The following OSTC variants were observed in gnomAD, a reference collection of about 807,000 sequenced individuals.
OSTC encodes oligosaccharyltransferase complex non-catalytic subunit, also known as oligosaccharyltransferase complex subunit OSTC.
Under a neutral mutation model 16.4 loss-of-function variants are expected in OSTC, and 16 were observed. That is an observed-to-expected ratio of 0.98 (90% CI 0.66 to 1.49). The LOEUF is 1.49. OSTC is among the 40% of genes most tolerant of loss of function. OSTC has a pLI of 0.00. For missense variants in OSTC, 139 were observed against 186.3 expected, an observed-to-expected ratio of 0.75 and a Z score of 1.48; for synonymous variants, 67 against 68.5, an observed-to-expected ratio of 0.98 and a Z score of 0.11.
At chr4:108,657,330 A>G in intron 2 of OSTC, 120 bp from the exon 3 acceptor site, 1 of 812,296 alleles carries the variant, frequency 1.2e-6, no homozygotes, top group Non-Finnish European at 1.9e-6. Flanking sequence ...AATAGTTGTA[A>G]GGCTAAGAAT....
intron 1 of OSTC, among the ~76,000 whole-genome samples, chr4:108,654,361 A>G (rs1726640860): frequency 6.6e-6 from 1 of 152,214 alleles, no homozygotes; most frequent in South Asian, 2.1e-4. Context: ...GAGGATCTGA[A>G]GTCAAGGAGG....
chr4:108,652,912 G>A (rs757171074), intron 1 of OSTC, among the ~76,000 whole-genome samples: 10 of 152,130 alleles, frequency 6.6e-5, no homozygotes, highest in Non-Finnish European at 1.3e-4. Flanking sequence ...GGTGGTACAC[G>A]CCTGTAGTCC....
chr4:108,667,403 G>A lies in OSTC; in HGVS notation c.*138G>A, dbSNP rs1326036017. On this transcript the variant is annotated 3_prime_UTR_variant, in exon 4 of 4. Transcript: ENST00000361564. ...AAAGAAATATCTAGTGAAAAAACAGGAAGCGTATTGAAGCTTGGACTAGAA... is the reference window on the plus strand; with the variant it reads ...AAAGAAATATCTAGTGAAAAAACAGAAAGCGTATTGAAGCTTGGACTAGAA... 1.7e-6 allele frequency: 1 copy of A among 603,656 alleles called. No individual in the cohort carries two copies. Among genetic ancestry groups the A allele is most frequent in the African/African-American group, 1.9e-5 (1 of 52,608 alleles). 37.4% of individuals were successfully genotyped at this position (603,656 alleles called of 1,614,324 possible). A position where few individuals can be genotyped will look rare whatever the true frequency, so the allele number is the denominator to read the frequency against.
At chr4:108,665,276 A>AT (rs1310899751) in intron 3 of OSTC, among the ~76,000 whole-genome samples, 1 of 152,176 alleles carries the variant, frequency 6.6e-6, no homozygotes, top group Non-Finnish European at 1.5e-5. Context: ...ACGAGTAGCA[A>AT]TTACTATATG....
chr4:108,659,787 G>T (rs1726806529), intron 3 of OSTC, among the ~76,000 whole-genome samples: 1 of 152,000 alleles, frequency 6.6e-6, no homozygotes. Context: ...GAAAAGAAAA[G>T]AAAAGAAAAT....
At chr4:108,651,908 T>G (rs1174913989) in intron 1 of OSTC, among the ~76,000 whole-genome samples, 1 of 152,218 alleles carries the variant, frequency 6.6e-6, no homozygotes, top group Non-Finnish European at 1.5e-5. Context: ...TCCCCCAATC[T>G]AGAATAGTGA....
At chr4:108,658,750 T>C (rs2110384576) in intron 3 of OSTC, among the ~76,000 whole-genome samples, 1 of 152,218 alleles carries the variant, frequency 6.6e-6, no homozygotes, top group East Asian at 1.9e-4. Flanking sequence ...ACTATACTGA[T>C]TTCTTAGTGT....
intron 3 of OSTC, among the ~76,000 whole-genome samples, chr4:108,660,721 G>A (rs979193170): frequency 2.0e-5 from 3 of 152,142 alleles, no homozygotes; most frequent in African/African-American, 7.2e-5. Context: ...AACCTCCAGG[G>A]TGGAATTCTT....
chr4:108,651,083 G>A, intron 1 of OSTC: 1 of 347,022 alleles, frequency 2.9e-6, no homozygotes, highest in South Asian at 3.8e-5. Context: ...CCAAATTGTT[G>A]CTCTTTTTGT....
intron 3 of OSTC, among the ~76,000 whole-genome samples, chr4:108,661,223 A>G (rs913458073): frequency 2.0e-5 from 3 of 151,794 alleles, no homozygotes; most frequent in Non-Finnish European, 4.4e-5. Context: ...ATCTCAAAAA[A>G]AAAAAAAAAA....
intron 3 of OSTC, among the ~76,000 whole-genome samples, chr4:108,666,028 C>G (rs1726993114): frequency 6.6e-6 from 1 of 152,150 alleles, no homozygotes. Flanking sequence ...CAGGGCCTAA[C>G]TTGCACATTT....
At chr4:108,656,039 T>C (rs1726691903) in intron 2 of OSTC, among the ~76,000 whole-genome samples, 1 of 152,154 alleles carries the variant, frequency 6.6e-6, no homozygotes, top group Non-Finnish European at 1.5e-5. Context: ...GTGGCTGAGC[T>C]GAATAAGTAT....
chr4:108,660,946 G>A (rs1045906572), intron 3 of OSTC, among the ~76,000 whole-genome samples: 1 of 152,216 alleles, frequency 6.6e-6, no homozygotes, highest in Non-Finnish European at 1.5e-5. Flanking sequence ...GCTGGGCACA[G>A]TGGCTCAGGC....
rs763284726 is a variant in OSTC at position 108,650,624 on chromosome 4, T to C, written c.-32T>C. On this transcript the variant is annotated 5_prime_UTR_variant, in exon 1 of 4. Coordinates refer to ENST00000361564, the MANE Select transcript of OSTC (RefSeq NM_021227.4). ...CTGTTTCCGGGAGGCGCGTGGGGCT[T>C]GAGGCCGAGAACGGCCCTTGCTGCC... The C allele has an allele frequency of 1.2e-6, 2 of 1,611,140 alleles. No individual in the cohort carries two copies. The highest frequency in any genetic ancestry group is 1.7e-6 in the Non-Finnish European group (2 of 1,177,970).
chr4:108,665,533 G>GTTTTGTTTTGTTTTGTTTTGTTTTGTTT lies in OSTC; in HGVS notation c.432-1713_432-1712insTTTGTTTTGTTTTGTTTTGTTTTGTTTT, dbSNP rs33968685. Reference sequence around the variant, plus strand: ...TTCACCATGTTAGCCAGGATGTTTTGTGTTTTGTTTTGTTTTGTTTTGTTT... The same window carrying GTTTTGTTTTGTTTTGTTTTGTTTTGTTT: ...TTCACCATGTTAGCCAGGATGTTTTGTTTTGTTTTGTTTTGTTTTGTTTTGTTTTGTTTTGTTTTGTTTTGTTTTGTTT... On this transcript the variant is annotated intron_variant, in intron 3 of 3. Transcript: ENST00000361564. Among the ~76,000 whole-genome samples the GTTTTGTTTTGTTTTGTTTTGTTTTGTTT allele has an allele frequency of 2.1e-4, 27 of 125,966 alleles. No individual in the cohort carries two copies. The South Asian group carries it at 2.2e-3, about 10-fold the overall frequency. The allele number at this position is 125,966 out of a possible 152,430, so 82.6% of individuals were successfully genotyped here.
intron 1 of OSTC, among the ~76,000 whole-genome samples, chr4:108,653,412 CGTA>C (rs1479348891): frequency 6.6e-6 from 1 of 152,088 alleles, no homozygotes; most frequent in Admixed American, 6.6e-5. Context: ...CAGAGGGAAA[CGTA>C]GGGCAAATGT....
chr4:108,657,859 A>G (rs1726750110), intron 3 of OSTC, among the ~76,000 whole-genome samples: 2 of 148,074 alleles, frequency 1.4e-5, no homozygotes, highest in Admixed American at 1.4e-4. Context: ...ATGAATGTTC[A>G]TGAGAGAAAA....
At chr4:108,658,441 G>GTGTGTA (rs1342389000) in intron 3 of OSTC, among the ~76,000 whole-genome samples, 1 of 151,862 alleles carries the variant, frequency 6.6e-6, no homozygotes, top group East Asian at 1.9e-4. Context: ...GTGTGTGTGT[G>GTGTGTA]TGTGTATGTG....
intron 2 of OSTC, among the ~76,000 whole-genome samples, chr4:108,656,252 T>TGGTA (rs35276493): frequency 6.6e-6 from 1 of 151,714 alleles, no homozygotes; most frequent in African/African-American, 2.4e-5. Flanking sequence ...AAAATTTACT[T>TGGTA]AATATCTACC....
Sources: allele counts gnomAD v4.1 joint callset (sites outside exome capture counted in the v4.1 genomes callset), GRCh38; gene constraint gnomAD v4.1.1; transcripts MANE v1.5; gene names NCBI Gene and HGNC (gene_info 2026-07-23, HGNC 2026-07-21).